Variants in BMPR2 observed in about 807,000 individuals in gnomAD.
BMPR2 encodes bone morphogenetic protein receptor type 2.
In BMPR2, 29 loss-of-function variants were observed where a neutral mutation model predicts 100.8. That is an observed-to-expected ratio of 0.29 (90% CI 0.21 to 0.39). The LOEUF (loss-of-function observed/expected upper bound fraction) is 0.39. BMPR2 is among the 10% of genes least tolerant of loss of function. BMPR2 has a pLI of 1.00. For synonymous variants in BMPR2, 382 were observed against 442.3 expected (o/e 0.86, Z 1.71); for missense variants, 1,011 against 1,274.5 (o/e 0.79, Z 3.15).
intron 3 of BMPR2, among the ~76,000 whole-genome samples, chr2:202,478,692 T>A (rs1190225356): frequency 6.6e-6 from 1 of 152,186 alleles, no homozygotes; most frequent in Non-Finnish European, 1.5e-5. Flanking sequence ...GTGGATCACT[T>A]GAGCCCAGCA....
In BMPR2 at chr2:202,562,115, G is replaced by A. The variant is rs1415355310; in HGVS notation, c.*2169G>A. 6.6e-6 allele frequency: 1 copy of A among 151,878 alleles called. No homozygotes were observed. The highest frequency in any genetic ancestry group is 1.5e-5 in the Non-Finnish European group (1 of 67,930). The allele number at this position is 151,878 out of a possible 1,614,324, so 9.4% of individuals were successfully genotyped here. A position where few individuals can be genotyped will look rare whatever the true frequency, so the allele number is the denominator to read the frequency against. On this transcript the variant is annotated 3_prime_UTR_variant, in exon 13 of 13. Transcript: ENST00000374580. ...GGATATTCTTTTCAAATATTTGTAGGACAACTTTGAATCAAAATAAATTAT... is the reference window on the plus strand; with the variant it reads ...GGATATTCTTTTCAAATATTTGTAGAACAACTTTGAATCAAAATAAATTAT...
chr2:202,379,924 C>A (rs1353331796), intron 1 of BMPR2, among the ~76,000 whole-genome samples: 1 of 151,968 alleles, frequency 6.6e-6, no homozygotes, highest in Non-Finnish European at 1.5e-5. Flanking sequence ...GTGGCACGAC[C>A]CTGGCTCACC....
intron 1 of BMPR2, among the ~76,000 whole-genome samples, chr2:202,378,894 A>G (rs1690213585): frequency 6.6e-6 from 1 of 152,212 alleles, no homozygotes; most frequent in Non-Finnish European, 1.5e-5. Flanking sequence ...CAGAAATCTC[A>G]GAACATAGGC....
At chr2:202,464,489 C>T (rs890241877) in intron 1 of BMPR2, among the ~76,000 whole-genome samples, 2 of 152,080 alleles carry the variant, frequency 1.3e-5, no homozygotes, top group African/African-American at 2.4e-5. Flanking sequence ...TAATTTTGAA[C>T]ATGGACATTT....
intron 9 of BMPR2, among the ~76,000 whole-genome samples, chr2:202,539,769 A>G (rs1688238545): frequency 6.6e-6 from 1 of 152,160 alleles, no homozygotes; most frequent in Non-Finnish European, 1.5e-5. Flanking sequence ...AGCTAAAAAA[A>G]GGTCTGTAAC....
In BMPR2 at chr2:202,472,431, G is replaced by T. The variant is rs1362427831; in HGVS notation, c.418+4742G>T. On this transcript the variant is annotated intron_variant, in intron 3 of 12. Coordinates refer to ENST00000374580, the MANE Select transcript of BMPR2 (RefSeq NM_001204.7). The stretch of plus-strand genomic sequence containing the variant: ...CCCAGCACTTTGGGAGGCCAAGGTG[G>T]GTGGATCACCTGAGGTCCGGAGTTC... 2.6e-5 allele frequency among the ~76,000 whole-genome samples: 4 copies of T among 152,144 alleles called. No homozygotes were observed. In the South Asian group the frequency reaches 8.3e-4, roughly 32 times the overall value.
chr2:202,510,982 G>GTTTTTTTTT (rs370738313), intron 3 of BMPR2, among the ~76,000 whole-genome samples: 2 of 132,002 alleles, frequency 1.5e-5, no homozygotes, highest in Non-Finnish European at 1.6e-5. Flanking sequence ...CCTGGCTTTA[G>GTTTTTTTTT]TTTTTTTTTT....
At chr2:202,430,027 A>ACTTT in intron 1 of BMPR2, among the ~76,000 whole-genome samples, 2 of 152,278 alleles carry the variant, frequency 1.3e-5, no homozygotes, top group Middle Eastern at 6.8e-3. Flanking sequence ...TCAGAAACTT[A>ACTTT]CTTTCTTCCA....
At position 202,428,254 on chromosome 2, in the gene BMPR2, T is replaced by TTC. The variant is rs952348012; in HGVS notation, c.77-36545_77-36544dup. Among the ~76,000 whole-genome samples, 85 of 152,108 alleles carry TTC rather than the reference T, an allele frequency of 5.6e-4. 1 individual carries two copies. Among genetic ancestry groups the TTC allele is most frequent in the African/African-American group, 1.9e-3 (77 of 41,486 alleles). Reference sequence around the variant, plus strand: ...GTGCACATACTGTCAGAGTCCCTATTTCTCTCTCTCTACACACTGCCAGTC... The same window carrying TTC: ...GTGCACATACTGTCAGAGTCCCTATTTCTCTCTCTCTCTACACACTGCCAGTC... On this transcript the variant is annotated intron_variant, in intron 1 of 12. Coordinates refer to ENST00000374580, the MANE Select transcript of BMPR2 (RefSeq NM_001204.7).
intron 10 of BMPR2, 87 bp downstream of exon 10, chr2:202,542,534 G>A (rs969745112): frequency 1.8e-5 from 26 of 1,483,404 alleles, no homozygotes; most frequent in African/African-American, 5.6e-5. Context: ...TGTTAATAAC[G>A]TTAATAGTTT....
At chr2:202,479,038 T>G (rs981520264) in intron 3 of BMPR2, among the ~76,000 whole-genome samples, 2 of 152,234 alleles carry the variant, frequency 1.3e-5, no homozygotes, top group African/African-American at 4.8e-5. Flanking sequence ...CTCACCCTTG[T>G]GTAATCCTGT....
chr2:202,547,795 A>T (rs1688402797), intron 10 of BMPR2, among the ~76,000 whole-genome samples: 1 of 137,232 alleles, frequency 7.3e-6, no homozygotes, highest in Non-Finnish European at 1.6e-5. Flanking sequence ...AAAAAAAAAA[A>T]AAAAAAGGCC....
chr2:202,425,002 G>A (rs534753103), intron 1 of BMPR2, among the ~76,000 whole-genome samples: 3 of 151,608 alleles, frequency 2.0e-5, no homozygotes, highest in South Asian at 2.1e-4. Context: ...TCTGTCGCCC[G>A]GGCTGGAGTG....
intron 1 of BMPR2, among the ~76,000 whole-genome samples, chr2:202,389,931 C>T (rs1279784698): frequency 6.6e-6 from 1 of 151,174 alleles, no homozygotes. Context: ...TGAGCCACTG[C>T]ACCTGGCCCA....
chr2:202,420,158 A>C (rs1317964161), intron 1 of BMPR2, among the ~76,000 whole-genome samples: 3 of 152,094 alleles, frequency 2.0e-5, no homozygotes, highest in African/African-American at 7.2e-5. Context: ...CTTATTGCTT[A>C]TAATAATTAG....
intron 3 of BMPR2, among the ~76,000 whole-genome samples, chr2:202,479,366 C>T (rs1049657025): frequency 6.6e-6 from 1 of 152,212 alleles, no homozygotes; most frequent in Non-Finnish European, 1.5e-5. Flanking sequence ...CACCAGCCTA[C>T]ACCCTGATTA....
At chr2:202,535,441 C>G (rs947011439) in intron 9 of BMPR2, among the ~76,000 whole-genome samples, 2 of 151,376 alleles carry the variant, frequency 1.3e-5, no homozygotes, top group African/African-American at 4.9e-5. Flanking sequence ...CCTCACATCC[C>G]AGACGGGGCG....
At position 202,559,790 on chromosome 2, in the gene BMPR2, C is replaced by T. The variant is rs144848138; in HGVS notation, c.2961C>T (p.Ser987=). The change falls in exon 13 of 13, where the codon TCC becomes TCT. Residue 987 remains serine, a synonymous_variant. Transcript: ENST00000374580. ...TPYSLKRWRP[S]TWVISTESLD... Reference sequence around the variant, plus strand: ...ATTCTCTTAAGCGGTGGCGCCCCTCCACCTGGGTCATCTCCACTGAATCGC... The same window carrying T: ...ATTCTCTTAAGCGGTGGCGCCCCTCTACCTGGGTCATCTCCACTGAATCGC... The T allele has an allele frequency of 1.3e-4, 207 of 1,613,898 alleles. No individual in the cohort carries two copies. Among genetic ancestry groups the T allele is most frequent in the Non-Finnish European group, 1.7e-4 (196 of 1,180,024 alleles).
At chr2:202,500,149 T>C (rs1687351479) in intron 3 of BMPR2, among the ~76,000 whole-genome samples, 1 of 152,094 alleles carries the variant, frequency 6.6e-6, no homozygotes, top group Non-Finnish European at 1.5e-5. Context: ...CCCGGGTATG[T>C]TTAACTATTG....
Sources: allele counts gnomAD v4.1 joint callset (sites outside exome capture counted in the v4.1 genomes callset), GRCh38; gene constraint gnomAD v4.1.1; transcripts MANE v1.5; gene names NCBI Gene and HGNC (gene_info 2026-07-23, HGNC 2026-07-21).